HDAC9: variants seen among roughly 807,000 people sequenced by gnomAD.
HDAC9 encodes histone deacetylase 9.
A neutral mutation model predicts 139.4 loss-of-function variants in HDAC9; 41 were observed. That is an observed-to-expected ratio of 0.29 (90% CI 0.23 to 0.38). HDAC9 has a LOEUF of 0.38. HDAC9 is among the 10% of genes least tolerant of loss of function. The pLI, the probability that HDAC9 is intolerant of heterozygous loss-of-function variation, is 1.00. For synonymous variants in HDAC9, 517 were observed against 476.2 expected (o/e 1.09, Z -1.12); for missense variants, 1,147 against 1,297.0 (o/e 0.88, Z 1.78).
Position 18,632,967 on chromosome 7 carries a change from C to T in HDAC9, c.797-1660C>T, listed in dbSNP as rs149021957. On this transcript the variant is annotated intron_variant, in intron 7 of 25. Transcript: ENST00000686413. ...GAAACAGTTAATATTAAAATACATA[C>T]ATTGAGTTTTACACATATGTAGGGG... Among the ~76,000 whole-genome samples, 6 of 152,024 alleles carry T rather than the reference C, an allele frequency of 3.9e-5. No individual in the cohort carries two copies. The East Asian group carries it at 1.2e-3, about 30-fold the overall frequency.
upstream of HDAC9, among the ~76,000 whole-genome samples, chr7:18,494,986 A>T (rs1482656565): frequency 6.6e-6 from 1 of 152,082 alleles, no homozygotes; most frequent in Non-Finnish European, 1.5e-5. Context: ...TACTAACTGG[A>T]TGGATGCGAT....
intron 1 of HDAC9, among the ~76,000 whole-genome samples, chr7:18,099,932 A>G (rs1476699712): frequency 6.6e-6 from 1 of 152,130 alleles, no homozygotes; most frequent in Non-Finnish European, 1.5e-5. Flanking sequence ...AGTGCTCTTT[A>G]TTCCTTTGTC....
chr7:18,717,799 CTATA>C (rs1053934432), intron 12 of HDAC9, among the ~76,000 whole-genome samples: 1 of 152,102 alleles, frequency 6.6e-6, no homozygotes, highest in South Asian at 2.1e-4. Flanking sequence ...TATATACAAA[CTATA>C]TAATGTATCA....
At chr7:18,409,559 A>G (rs1007873610) in intron 1 of HDAC9, among the ~76,000 whole-genome samples, 1 of 152,116 alleles carries the variant, frequency 6.6e-6, no homozygotes, top group Non-Finnish European at 1.5e-5. Flanking sequence ...TGTCTCAGAA[A>G]TTGCTTCTAC....
chr7:18,277,844 A>G (rs79277994), intron 2 of HDAC9, among the ~76,000 whole-genome samples: 5,053 of 152,338 alleles, frequency 0.033, 102 homozygotes, highest in African/African-American at 0.044. Flanking sequence ...TTAACATGTT[A>G]ATAGTTTAAA....
chr7:18,548,611 C>T (rs778327007), intron 2 of HDAC9, among the ~76,000 whole-genome samples: 1 of 152,066 alleles, frequency 6.6e-6, no homozygotes, highest in Non-Finnish European at 1.5e-5. Context: ...AAAAAAGCAA[C>T]ACTTTTGTAA....
At chr7:18,957,048 A>G (rs576202728) in intron 24 of HDAC9, among the ~76,000 whole-genome samples, 5 of 152,310 alleles carry the variant, frequency 3.3e-5, no homozygotes, top group Admixed American at 2.6e-4. Flanking sequence ...GTTTACCAAG[A>G]AGGAATGATA....
chr7:18,809,580 C>A (rs1313676356), intron 17 of HDAC9, among the ~76,000 whole-genome samples: 1 of 151,752 alleles, frequency 6.6e-6, no homozygotes, highest in Admixed American at 6.6e-5. Flanking sequence ...TATATCTGGC[C>A]AGATAAAAGA....
chr7:18,688,729 C>A (rs1055989421), intron 12 of HDAC9, among the ~76,000 whole-genome samples: 1 of 151,830 alleles, frequency 6.6e-6, no homozygotes, highest in Non-Finnish European at 1.5e-5. Flanking sequence ...AAGAAGCACA[C>A]ATTCACGGGA....
chr7:18,638,946 G>A (rs1481761457), intron 8 of HDAC9, among the ~76,000 whole-genome samples: 1 of 151,854 alleles, frequency 6.6e-6, no homozygotes, highest in Non-Finnish European at 1.5e-5. Flanking sequence ...TGGGCCTGTG[G>A]GTTCAAATAT....
chr7:18,462,572 C>T (rs1448577143), intron 1 of HDAC9, among the ~76,000 whole-genome samples: 3 of 151,922 alleles, frequency 2.0e-5, no homozygotes, highest in Non-Finnish European at 4.4e-5. Context: ...ATCTTGATTT[C>T]TATCAGTGTT....
intron 1 of HDAC9, among the ~76,000 whole-genome samples, chr7:18,110,417 G>T (rs1279295355): frequency 1.3e-5 from 2 of 152,168 alleles, no homozygotes; most frequent in Admixed American, 1.3e-4. Context: ...GGATACTTAC[G>T]ATGAACCTTG....
chr7:18,227,906 G>C (rs943412001), intron 2 of HDAC9, among the ~76,000 whole-genome samples: 2 of 152,118 alleles, frequency 1.3e-5, no homozygotes, highest in Non-Finnish European at 2.9e-5. Flanking sequence ...CTAAGCCGCT[G>C]TGCTAATACA....
intron 2 of HDAC9, among the ~76,000 whole-genome samples, chr7:18,182,009 C>G (rs1416669549): frequency 6.6e-6 from 1 of 152,090 alleles, no homozygotes; most frequent in Non-Finnish European, 1.5e-5. Flanking sequence ...AAAATTTCAA[C>G]AGGCATTGAT....
chr7:18,376,637 C>T (rs780957214), intron 1 of HDAC9, among the ~76,000 whole-genome samples: 1 of 152,084 alleles, frequency 6.6e-6, no homozygotes, highest in African/African-American at 2.4e-5. Context: ...CATGAGCCTC[C>T]CTTCCTTTTG....
At chr7:18,808,778 GAA>G (rs1310155246) in intron 17 of HDAC9, among the ~76,000 whole-genome samples, 1 of 150,598 alleles carries the variant, frequency 6.6e-6, no homozygotes, top group Admixed American at 6.6e-5. Flanking sequence ...CACAGAAAGA[GAA>G]AAAAAATCCT....
At chr7:18,297,335 G>A (rs1030388987) in intron 1 of HDAC9, among the ~76,000 whole-genome samples, 1 of 152,180 alleles carries the variant, frequency 6.6e-6, no homozygotes, top group Admixed American at 6.5e-5. Flanking sequence ...TTATGGTAGG[G>A]GATTATTAGG....
intron 12 of HDAC9, among the ~76,000 whole-genome samples, chr7:18,675,094 A>G (rs781175071): frequency 1.3e-5 from 2 of 152,044 alleles, no homozygotes; most frequent in Non-Finnish European, 2.9e-5. Context: ...AGACAAAATG[A>G]TTCATATTAA....
At chr7:18,920,078 T>C (rs984442402) in intron 22 of HDAC9, among the ~76,000 whole-genome samples, 3 of 152,142 alleles carry the variant, frequency 2.0e-5, no homozygotes, top group African/African-American at 7.2e-5. Context: ...ATCTATAAAT[T>C]ACCTTGGGCA....
Sources: allele counts gnomAD v4.1 joint callset (sites outside exome capture counted in the v4.1 genomes callset), GRCh38; gene constraint gnomAD v4.1.1; transcripts MANE v1.5; gene names NCBI Gene and HGNC (gene_info 2026-07-23, HGNC 2026-07-21).